Variants in RARB observed in about 807,000 individuals in gnomAD.
RARB encodes the protein HBV-activated protein.
RARB carries 17 observed loss-of-function variants against 51.9 expected under a neutral mutation model. That is an observed-to-expected ratio of 0.33 (90% CI 0.22 to 0.49). The LOEUF is 0.49. Among genes scored for constraint, RARB ranks in the 20% least tolerant of loss-of-function variants. The pLI, the probability that RARB is intolerant of heterozygous loss-of-function variation, is 0.99. For missense variants in RARB, 369 were observed against 550.8 expected (o/e 0.67, Z 3.30); for synonymous variants, 215 against 195.4 (o/e 1.10, Z -0.84).
chr3:25,167,870 T>G (rs1398510439), intron 4 of RARB, among the ~76,000 whole-genome samples: 3 of 152,184 alleles, frequency 2.0e-5, no homozygotes, highest in Non-Finnish European at 4.4e-5. Flanking sequence ...GTTTTTTTCT[T>G]TCCACCCTAC....
At chr3:24,983,237 C>T (rs1696715427) in intron 2 of RARB, among the ~76,000 whole-genome samples, 2 of 152,112 alleles carry the variant, frequency 1.3e-5, no homozygotes, top group South Asian at 4.1e-4. Context: ...TAGAATTGTA[C>T]CTGAGCACTT....
intron 5 of RARB, among the ~76,000 whole-genome samples, chr3:25,360,788 G>T (rs1009246799): frequency 6.6e-6 from 1 of 152,206 alleles, no homozygotes; most frequent in Admixed American, 6.5e-5. Context: ...CTTTTTTTAA[G>T]AAGGTTGAAT....
intron 2 of RARB, among the ~76,000 whole-genome samples, chr3:24,948,720 T>C (rs1470339567): frequency 6.6e-6 from 1 of 152,106 alleles, no homozygotes; most frequent in African/African-American, 2.4e-5. Flanking sequence ...TCATGAATGA[T>C]TTAGCACTAT....
intron 2 of RARB, among the ~76,000 whole-genome samples, chr3:25,047,984 T>C (rs770640781): frequency 6.6e-6 from 1 of 152,216 alleles, no homozygotes; most frequent in South Asian, 2.1e-4. Context: ...TGAGATCTGA[T>C]GGTTTCATAA....
At chr3:25,508,909 T>C (rs1378695964) in intron 3 of RARB, among the ~76,000 whole-genome samples, 1 of 143,064 alleles carries the variant, frequency 7.0e-6, no homozygotes, top group South Asian at 2.1e-4. Context: ...AAAAAAAAAA[T>C]TATGTTTGGG....
intron 5 of RARB, among the ~76,000 whole-genome samples, chr3:25,267,905 T>C (rs1188194701): frequency 1.3e-5 from 2 of 152,196 alleles, no homozygotes; most frequent in East Asian, 1.9e-4. Flanking sequence ...AAATCTAATA[T>C]GGAAAATTGG....
At chr3:25,102,922 A>T (rs1227006791) in intron 3 of RARB, among the ~76,000 whole-genome samples, 2 of 152,130 alleles carry the variant, frequency 1.3e-5, no homozygotes, top group African/African-American at 4.8e-5. Context: ...GTGGTGATGC[A>T]TGCCTGTAAT....
intron 5 of RARB, among the ~76,000 whole-genome samples, chr3:25,221,996 GTTC>G (rs1559511533): frequency 6.6e-6 from 1 of 152,304 alleles, no homozygotes; most frequent in South Asian, 2.1e-4. Flanking sequence ...TTAGAGATGA[GTTC>G]TTCTGAAGAC....
At chr3:25,029,240 A>C (rs527892911) in intron 2 of RARB, among the ~76,000 whole-genome samples, 1 of 152,310 alleles carries the variant, frequency 6.6e-6, no homozygotes, top group East Asian at 1.9e-4. Flanking sequence ...ACTGAGACTA[A>C]ACCATGATTC....
intron 2 of RARB, among the ~76,000 whole-genome samples, chr3:24,981,328 C>T (rs958904493): frequency 6.6e-6 from 1 of 152,196 alleles, no homozygotes; most frequent in Admixed American, 6.5e-5. Flanking sequence ...GGGCTTAAGT[C>T]TGTAGAAGCT....
At chr3:24,940,724 T>G (rs1695646587) in intron 2 of RARB, among the ~76,000 whole-genome samples, 1 of 152,196 alleles carries the variant, frequency 6.6e-6, no homozygotes, top group Non-Finnish European at 1.5e-5. Context: ...CCCATTCTGC[T>G]GCTTGGCAGT....
chr3:25,260,324 C>G (rs573140345), intron 5 of RARB, among the ~76,000 whole-genome samples: 103 of 152,228 alleles, frequency 6.8e-4, no homozygotes, highest in African/African-American at 2.4e-3. Flanking sequence ...CCTCCATGTT[C>G]TGTTTTAAGC....
intron 3 of RARB, among the ~76,000 whole-genome samples, chr3:25,089,681 A>C (rs1699163303): frequency 6.6e-6 from 1 of 152,130 alleles, no homozygotes; most frequent in Non-Finnish European, 1.5e-5. Context: ...GGGTTGTTTT[A>C]TCTCAGTGAG....
intron 5 of RARB, among the ~76,000 whole-genome samples, chr3:25,360,083 T>A (rs560334578): frequency 6.6e-6 from 1 of 152,318 alleles, no homozygotes; most frequent in South Asian, 2.1e-4. Flanking sequence ...GGTGTTAAAG[T>A]TTCCCAATAT....
chr3:25,158,454 A>G (rs1223862820), intron 4 of RARB, among the ~76,000 whole-genome samples: 1 of 152,168 alleles, frequency 6.6e-6, no homozygotes, highest in Admixed American at 6.5e-5. Context: ...TATTTCAGTG[A>G]TGCTACTAAT....
At chr3:25,589,568 C>CCTGGCT (rs1166919825) in intron 5 of RARB, among the ~76,000 whole-genome samples, 1 of 152,204 alleles carries the variant, frequency 6.6e-6, no homozygotes, top group African/African-American at 2.4e-5. Flanking sequence ...TGGACAAGTC[C>CCTGGCT]CTGGCTCTGC....
intron 5 of RARB, among the ~76,000 whole-genome samples, chr3:25,411,676 A>C (rs572529402): frequency 6.6e-6 from 1 of 152,354 alleles, no homozygotes; most frequent in South Asian, 2.1e-4. Flanking sequence ...TCTGGTTGAA[A>C]ACTAGTAATC....
chr3:25,440,780 A>T (rs1210153901), intron 1 of RARB, among the ~76,000 whole-genome samples: 1 of 152,166 alleles, frequency 6.6e-6, no homozygotes, highest in Non-Finnish European at 1.5e-5. Context: ...CCCCCCCAAA[A>T]ATAAAAAATT....
chr3:25,078,103 A>AT (rs1461847340), intron 3 of RARB, among the ~76,000 whole-genome samples: 2 of 152,012 alleles, frequency 1.3e-5, no homozygotes, highest in Non-Finnish European at 2.9e-5. Context: ...TATCTTGCCC[A>AT]TTTTGTTGAT....
Sources: gnomAD v4.1 joint callset for allele counts (sites outside exome capture counted in the v4.1 genomes callset) on GRCh38, gnomAD v4.1.1 for gene constraint, MANE v1.5 for transcripts, NCBI Gene and HGNC (gene_info 2026-07-23, HGNC 2026-07-21) for gene names.